The following NR3C1 variants were observed in gnomAD, a reference collection of about 807,000 sequenced individuals.
NR3C1 encodes nuclear receptor subfamily 3 group C member 1, also known as glucocorticoid receptor.
A neutral mutation model predicts 74.0 loss-of-function variants in NR3C1; 14 were observed. The ratio of observed to expected loss-of-function variants is 0.19; its 90% confidence interval spans 0.12 to 0.30. NR3C1 has a LOEUF of 0.30. NR3C1 is among the 10% of genes least tolerant of loss of function. The probability of loss-of-function intolerance (pLI) is 1.00; values close to 1 mark genes in which losing one functional copy is unlikely to be tolerated. For synonymous variants in NR3C1, 308 were observed against 332.5 expected (o/e 0.93, Z 0.80); for missense variants, 695 against 909.8 (o/e 0.76, Z 3.04).
At chr5:143,358,399 A>G (rs1030522652) in intron 2 of NR3C1, among the ~76,000 whole-genome samples, 7 of 152,228 alleles carry the variant, frequency 4.6e-5, no homozygotes, top group African/African-American at 1.4e-4. Flanking sequence ...TGAATCATGA[A>G]TATGATAGCA....
In NR3C1 at chr5:143,298,878, A is replaced by C. The variant is rs111256247; in HGVS notation, c.1748-66T>G. ...GAAGATCATCTCTGTGGGAATTGCCAAGGAGCAATGAGATCAATTAGCCCT... is the reference window on the plus strand; with the variant it reads ...GAAGATCATCTCTGTGGGAATTGCCCAGGAGCAATGAGATCAATTAGCCCT... On this transcript the variant is annotated intron_variant, in intron 5 of 8. Coordinates refer to ENST00000394464, the MANE Select transcript of NR3C1 (RefSeq NM_000176.3). 4.5e-6 allele frequency: 7 copies of C among 1,554,672 alleles called. No homozygotes were observed. In the South Asian group the frequency reaches 7.9e-5, roughly 18 times the overall value.
chr5:143,432,913 G>T (rs1024063339), intron 1 of NR3C1, among the ~76,000 whole-genome samples: 52 of 152,116 alleles, frequency 3.4e-4, no homozygotes, highest in African/African-American at 1.2e-3. Context: ...ACGTTCATTC[G>T]TTCCTTTTCC....
intron 3 of NR3C1, among the ~76,000 whole-genome samples, chr5:143,312,359 T>C (rs1300979285): frequency 6.6e-6 from 1 of 152,188 alleles, no homozygotes; most frequent in African/African-American, 2.4e-5. Context: ...ATTGATCACA[T>C]ACTCTCTTGG....
Position 143,421,662 on chromosome 5 carries a change from C to T in NR3C1, c.-14+12870G>A, listed in dbSNP as rs377388752. On this transcript the variant is annotated intron_variant, in intron 1 of 8. Transcript: ENST00000343796. Reference sequence around the variant, plus strand: ...ATAGCAAAACCCCATCTCTACTAAACGTGCCTGTAATTTCAGCCACTTGGG... The same window carrying T: ...ATAGCAAAACCCCATCTCTACTAAATGTGCCTGTAATTTCAGCCACTTGGG... Among the ~76,000 whole-genome samples the T allele has an allele frequency of 6.6e-5, 10 of 152,064 alleles. No individual in the cohort carries two copies. The East Asian group carries it at 7.7e-4, about 12-fold the overall frequency.
chr5:143,352,970 A>G (rs542519340), intron 2 of NR3C1, among the ~76,000 whole-genome samples: 10 of 152,348 alleles, frequency 6.6e-5, no homozygotes, highest in Admixed American at 3.3e-4. Context: ...TACCCACAGT[A>G]GAAACTCTTT....
chr5:143,331,041 C>A (rs569013911), intron 2 of NR3C1, among the ~76,000 whole-genome samples: 1 of 152,292 alleles, frequency 6.6e-6, no homozygotes, highest in African/African-American at 2.4e-5. Flanking sequence ...CACCGTATTA[C>A]CCGACTTCAA....
chr5:143,326,433 C>G (rs1448259638), intron 2 of NR3C1, among the ~76,000 whole-genome samples: 1 of 152,128 alleles, frequency 6.6e-6, no homozygotes, highest in Non-Finnish European at 1.5e-5. Flanking sequence ...TCTTTAGATA[C>G]TTACTATATT....
intron 2 of NR3C1, among the ~76,000 whole-genome samples, chr5:143,330,445 T>C (rs909586829): frequency 2.6e-5 from 4 of 152,334 alleles, no homozygotes; most frequent in African/African-American, 9.6e-5. Flanking sequence ...GTGAAATCAA[T>C]ACTGTATTCT....
At chr5:143,343,855 C>T (rs546597951) in intron 2 of NR3C1, among the ~76,000 whole-genome samples, 1 of 152,314 alleles carries the variant, frequency 6.6e-6, no homozygotes, top group Non-Finnish European at 1.5e-5. Context: ...TCACTATGCT[C>T]TTTCAAATAC....
intron 2 of NR3C1, among the ~76,000 whole-genome samples, chr5:143,389,320 C>T (rs930928356): frequency 2.0e-5 from 3 of 152,266 alleles, no homozygotes; most frequent in African/African-American, 7.2e-5. Flanking sequence ...TAACCTCCCA[C>T]TCTACCTACC....
chr5:143,309,483 C>T (rs756705208), intron 4 of NR3C1, among the ~76,000 whole-genome samples: 7 of 152,142 alleles, frequency 4.6e-5, no homozygotes, highest in South Asian at 2.1e-4. Flanking sequence ...TTGAGGCCTA[C>T]GGTGGAAAAG....
At chr5:143,408,338 G>C (rs1841182293), upstream of NR3C1, among the ~76,000 whole-genome samples, 1 of 152,178 alleles carries the variant, frequency 6.6e-6, no homozygotes, top group African/African-American at 2.4e-5. Flanking sequence ...GATTAAACCA[G>C]TTTGATATAT....
chr5:143,338,574 A>C (rs1486425707), intron 2 of NR3C1, among the ~76,000 whole-genome samples: 1 of 152,192 alleles, frequency 6.6e-6, no homozygotes, highest in Non-Finnish European at 1.5e-5. Context: ...TTAAAAATAA[A>C]AACATCTTAA....
At position 143,310,295 on chromosome 5, in the gene NR3C1, G is replaced by A. The variant is rs562080067; in HGVS notation, c.1352-82C>T. The A allele has an allele frequency of 6.6e-5, 67 of 1,012,186 alleles. 1 individual carries two copies. The South Asian group carries it at 8.4e-4, about 13-fold the overall frequency. 62.7% of individuals were successfully genotyped at this position (1,012,186 alleles called of 1,614,324 possible). ...AGGACAGCCTCTGTCTTTGTTTCCG[G>A]TGGAATATAACCAAGACACCCACAG... is the stretch of plus-strand genomic sequence containing the variant. On this transcript the variant is annotated intron_variant, in intron 3 of 8. Coordinates refer to ENST00000394464, the MANE Select transcript of NR3C1 (RefSeq NM_000176.3).
At chr5:143,385,087 C>A (rs1470389551) in intron 2 of NR3C1, among the ~76,000 whole-genome samples, 2 of 152,236 alleles carry the variant, frequency 1.3e-5, no homozygotes, top group Admixed American at 6.5e-5. Context: ...AGGTTTGAGG[C>A]TTACCCCCTC....
intron 2 of NR3C1, among the ~76,000 whole-genome samples, chr5:143,390,458 A>G (rs997515219): frequency 9.2e-5 from 14 of 152,284 alleles, no homozygotes; most frequent in African/African-American, 2.4e-4. Flanking sequence ...TGTTTACTTT[A>G]TATCTGCTAT....
chr5:143,381,018 G>T lies in NR3C1; in HGVS notation c.1184+18638C>A, dbSNP rs76475578. On this transcript the variant is annotated intron_variant, in intron 2 of 8. Coordinates refer to ENST00000394464, the MANE Select transcript of NR3C1 (RefSeq NM_000176.3). ...GGAAGAAGTCAAATTATTCTTGTTTGCAGACTGTATGATCTTATTGGAAAA... is the reference window on the plus strand; with the variant it reads ...GGAAGAAGTCAAATTATTCTTGTTTTCAGACTGTATGATCTTATTGGAAAA... Among the ~76,000 whole-genome samples, 30 of 152,206 alleles carry T rather than the reference G, an allele frequency of 2.0e-4. 1 individual carries two copies. In the East Asian group the frequency reaches 5.4e-3, roughly 27 times the overall value.
At chr5:143,341,795 T>G (rs1010384139) in intron 2 of NR3C1, among the ~76,000 whole-genome samples, 18 of 152,214 alleles carry the variant, frequency 1.2e-4, no homozygotes, top group African/African-American at 4.1e-4. Context: ...AAATATAAAA[T>G]TATAATTTAC....
chr5:143,334,617 C>A (rs1194697234), intron 2 of NR3C1, among the ~76,000 whole-genome samples: 1 of 151,610 alleles, frequency 6.6e-6, no homozygotes, highest in African/African-American at 2.4e-5. Context: ...TCGACCAAGC[C>A]CAAGGACATA....
Sources: gnomAD v4.1 joint callset for allele counts (sites outside exome capture counted in the v4.1 genomes callset) on GRCh38, gnomAD v4.1.1 for gene constraint, MANE v1.5 for transcripts, NCBI Gene and HGNC (gene_info 2026-07-23, HGNC 2026-07-21) for gene names.